Variants in CTNND2 observed in about 807,000 individuals in gnomAD.
CTNND2 encodes catenin delta 2.
In CTNND2, 22 loss-of-function variants were observed where a neutral mutation model predicts 144.4. That is an observed-to-expected ratio of 0.15 (90% CI 0.11 to 0.22). The LOEUF (loss-of-function observed/expected upper bound fraction) is 0.22. Ranked by LOEUF, CTNND2 falls within the 10% of genes least tolerant of loss-of-function variation. The pLI, the probability that CTNND2 is intolerant of heterozygous loss-of-function variation, is 1.00. For missense variants in CTNND2, 1,353 were observed against 1,618.8 expected (o/e 0.84, Z 2.82); for synonymous variants, 751 against 695.6 (o/e 1.08, Z -1.25).
At chr5:11,754,318 T>A (rs529810533) in intron 1 of CTNND2, among the ~76,000 whole-genome samples, 2 of 151,528 alleles carry the variant, frequency 1.3e-5, no homozygotes, top group South Asian at 2.1e-4. Context: ...TATAGTGTTA[T>A]AAATGTTTCT....
At chr5:11,376,917 C>G (rs1012613152) in intron 7 of CTNND2, among the ~76,000 whole-genome samples, 1 of 152,192 alleles carries the variant, frequency 6.6e-6, no homozygotes, top group African/African-American at 2.4e-5. Context: ...GCCAGTCCAC[C>G]TCCAAAGTCC....
intron 11 of CTNND2, 52 bp from the exon 12 acceptor site, chr5:11,159,811 C>T: frequency 7.1e-7 from 1 of 1,402,960 alleles, no homozygotes; most frequent in Non-Finnish European, 9.7e-7. Flanking sequence ...TTTTTCTCAT[C>T]TCCAAAACTG....
chr5:11,902,125 C>CAAATT (rs1466753945), intron 1 of CTNND2, among the ~76,000 whole-genome samples: 1 of 152,162 alleles, frequency 6.6e-6, no homozygotes, highest in Non-Finnish European at 1.5e-5. Flanking sequence ...AAAGGCCTCC[C>CAAATT]AAATTTCAAC....
chr5:11,412,763 T>C (rs901155361), intron 3 of CTNND2, among the ~76,000 whole-genome samples: 3 of 152,192 alleles, frequency 2.0e-5, no homozygotes, highest in African/African-American at 7.2e-5. Flanking sequence ...TTCCATTGTG[T>C]ATGCAAACAC....
intron 9 of CTNND2, among the ~76,000 whole-genome samples, chr5:11,318,786 G>C (rs1373728588): frequency 5.9e-5 from 9 of 151,890 alleles, no homozygotes; most frequent in Admixed American, 2.6e-4. Flanking sequence ...ATTCCCACCT[G>C]CATAAAAACA....
intron 9 of CTNND2, among the ~76,000 whole-genome samples, chr5:11,344,387 G>A (rs1172971351): frequency 1.4e-5 from 2 of 144,814 alleles, no homozygotes; most frequent in African/African-American, 2.6e-5. Flanking sequence ...ACGAGACTCC[G>A]TCTCAAAAAA....
chr5:11,625,547 A>C (rs1016311674), intron 2 of CTNND2, among the ~76,000 whole-genome samples: 3 of 152,148 alleles, frequency 2.0e-5, no homozygotes, highest in African/African-American at 7.2e-5. Flanking sequence ...AAATCTTTGC[A>C]ATCATGGATT....
chr5:11,290,159 G>A (rs564964064), intron 9 of CTNND2, among the ~76,000 whole-genome samples: 2 of 152,240 alleles, frequency 1.3e-5, no homozygotes, highest in Non-Finnish European at 2.9e-5. Flanking sequence ...TTACAATAAC[G>A]ATGTGTAGCA....
chr5:11,226,052 T>G (rs1740306195), intron 10 of CTNND2, among the ~76,000 whole-genome samples: 1 of 152,088 alleles, frequency 6.6e-6, no homozygotes, highest in Non-Finnish European at 1.5e-5. Context: ...CAAGGAAGGA[T>G]TCCACCCTGA....
intron 3 of CTNND2, among the ~76,000 whole-genome samples, chr5:11,485,482 T>C (rs1768735474): frequency 6.6e-6 from 1 of 152,132 alleles, no homozygotes; most frequent in African/African-American, 2.4e-5. Context: ...AAAGAGAACC[T>C]GAAGAAAACC....
intron 7 of CTNND2, among the ~76,000 whole-genome samples, chr5:11,377,055 C>CTTT (rs35811459): frequency 2.0e-5 from 3 of 146,512 alleles, no homozygotes; most frequent in African/African-American, 2.5e-5. Context: ...TTTTTGTCTC[C>CTTT]TTTTTTTTTT....
chr5:11,631,517 A>AT (rs201294974), intron 2 of CTNND2, among the ~76,000 whole-genome samples: 3,066 of 152,270 alleles, frequency 0.02, 108 homozygotes, highest in African/African-American at 0.07. Flanking sequence ...AATCAATGTG[A>AT]GAGAAGCTGT....
chr5:11,657,958 T>A (rs1783001477), intron 2 of CTNND2, among the ~76,000 whole-genome samples: 1 of 152,188 alleles, frequency 6.6e-6, no homozygotes. Flanking sequence ...ACTTTTGTTA[T>A]ACAGATGGTT....
At chr5:11,047,951 A>G (rs1196957794) in intron 16 of CTNND2, among the ~76,000 whole-genome samples, 3 of 152,024 alleles carry the variant, frequency 2.0e-5, no homozygotes, top group Non-Finnish European at 4.4e-5. Context: ...GTTAACTTCA[A>G]CTTCTCCGGG....
At chr5:11,865,112 C>T (rs568174788) in intron 1 of CTNND2, among the ~76,000 whole-genome samples, 1 of 151,978 alleles carries the variant, frequency 6.6e-6, no homozygotes, top group Non-Finnish European at 1.5e-5. Flanking sequence ...TCAGGCTGGT[C>T]TCAAACTCCC....
intron 1 of CTNND2, among the ~76,000 whole-genome samples, chr5:11,860,531 T>C (rs1344375582): frequency 6.6e-6 from 1 of 152,204 alleles, no homozygotes; most frequent in Non-Finnish European, 1.5e-5. Flanking sequence ...ATAATGCACA[T>C]AAGAATTGTT....
intron 9 of CTNND2, among the ~76,000 whole-genome samples, chr5:11,330,854 G>C (rs1478344313): frequency 6.6e-6 from 1 of 151,896 alleles, no homozygotes; most frequent in Non-Finnish European, 1.5e-5. Context: ...GTGTGTCTGT[G>C]TGTGAGCCTA....
At chr5:11,860,336 G>T (rs1183394845) in intron 1 of CTNND2, among the ~76,000 whole-genome samples, 1 of 152,138 alleles carries the variant, frequency 6.6e-6, no homozygotes, top group African/African-American at 2.4e-5. Flanking sequence ...AAATTGTAGA[G>T]CTCTGTTGTA....
At chr5:11,168,664 C>T (rs1211948507) in intron 11 of CTNND2, among the ~76,000 whole-genome samples, 1 of 152,182 alleles carries the variant, frequency 6.6e-6, no homozygotes, top group East Asian at 1.9e-4. Flanking sequence ...AAAGACTATA[C>T]TCTTTTATCT....
Sources: allele counts gnomAD v4.1 joint callset (sites outside exome capture counted in the v4.1 genomes callset), GRCh38; gene constraint gnomAD v4.1.1; transcripts MANE v1.5; gene names NCBI Gene and HGNC (gene_info 2026-07-23, HGNC 2026-07-21).